SLC46A3: variants seen among roughly 807,000 people sequenced by gnomAD.
The protein encoded by SLC46A3 is lysosomal proton-coupled steroid conjugate and bile acid symporter SLC46A3.
SLC46A3 carries 26 observed loss-of-function variants against 38.5 expected under a neutral mutation model. That is an observed-to-expected ratio of 0.68 (90% CI 0.49 to 0.94). The LOEUF is 0.94. Among genes scored for constraint, SLC46A3 ranks in the 40% least tolerant of loss-of-function variants. The pLI, the probability that SLC46A3 is intolerant of heterozygous loss-of-function variation, is 0.00. For synonymous variants in SLC46A3, 185 were observed against 192.5 expected, an observed-to-expected ratio of 0.96 and a Z score of 0.32; for missense variants, 510 against 544.3, an observed-to-expected ratio of 0.94 and a Z score of 0.63.
chr13:28,714,060 T>G (rs1305107), intron 2 of SLC46A3, among the ~76,000 whole-genome samples: 1 of 151,048 alleles, frequency 6.6e-6, no homozygotes, highest in African/African-American at 2.4e-5. Flanking sequence ...TTTGGGAGGC[T>G]GAGGCAGGAG....
Position 28,701,415 on chromosome 13 carries a change from T to C in SLC46A3, c.*82A>G, listed in dbSNP as rs985428744. The C allele has an allele frequency of 5.1e-6, 8 of 1,559,498 alleles. No homozygotes were observed. Among genetic ancestry groups the C allele is most frequent in the Non-Finnish European group, 6.9e-6 (8 of 1,157,288 alleles). On this transcript the variant is annotated 3_prime_UTR_variant, in exon 6 of 6. Transcript: ENST00000266943. Reference sequence around the variant, plus strand: ...AATTGGTTCTCAGTGAAGCACTGATTGTGGAATTCATTTATAGTCTTCAGA... The same window carrying C: ...AATTGGTTCTCAGTGAAGCACTGATCGTGGAATTCATTTATAGTCTTCAGA...
chr13:28,704,268 C>G (rs1885115347), intron 4 of SLC46A3, 169 bp from the exon 5 acceptor site: 8 of 618,638 alleles, frequency 1.3e-5, no homozygotes, highest in Non-Finnish European at 2.2e-5. Flanking sequence ...AAGTCAGCAG[C>G]CCATTCTGCA....
chr13:28,713,160 G>A lies in SLC46A3; in HGVS notation c.580C>T (p.Leu194=). The change falls in exon 3 of 6, where the codon CTA becomes TTA. Residue 194 remains leucine (L), a synonymous_variant. Transcript: ENST00000266943. ...GLSSGYFIRE[L]GFEWSFLIIA... ...ATTAGAAACGACCACTCAAAACCTA[G>A]CTCTCTAATAAAATAGCCAGATGAC... 1 of 1,613,978 alleles carries A rather than the reference G, an allele frequency of 6.2e-7. No individual in the cohort carries two copies. Among genetic ancestry groups the A allele is most frequent in the Non-Finnish European group, 8.5e-7 (1 of 1,179,972 alleles).
intron 4 of SLC46A3, among the ~76,000 whole-genome samples, chr13:28,709,322 CAAAAA>C (rs11321003): frequency 7.7e-6 from 1 of 130,270 alleles, no homozygotes. Flanking sequence ...AACTCCGTCT[CAAAAA>C]AAAAAAAAAA....
Position 28,700,500 on chromosome 13 carries a change from G to GA in SLC46A3, c.*996_*997insT. ...TTTTCCTATGAGTGACCGTGTTGACGGATTCAAATTTAAGGAGTACAAGAT... is the reference window on the plus strand; with the variant it reads ...TTTTCCTATGAGTGACCGTGTTGACGAGATTCAAATTTAAGGAGTACAAGAT... On this transcript the variant is annotated 3_prime_UTR_variant, in exon 6 of 6. Transcript: ENST00000266943. 6.4e-6 allele frequency: 1 copy of GA among 155,126 alleles called. No individual in the cohort carries two copies. Among genetic ancestry groups the GA allele is most frequent in the South Asian group, 2.0e-4 (1 of 5,006 alleles). The allele number at this position is 155,126 out of a possible 1,614,324, so 9.6% of individuals were successfully genotyped here. A position where few individuals can be genotyped will look rare whatever the true frequency, so the allele number is the denominator to read the frequency against.
At chr13:28,701,791 C>G (rs1255630944) in intron 5 of SLC46A3, among the ~76,000 whole-genome samples, 2 of 152,194 alleles carry the variant, frequency 1.3e-5, no homozygotes, top group South Asian at 2.1e-4. Context: ...CTCTTCTAGA[C>G]CCCTAAGGTA....
chr13:28,716,578 C>T (rs1442518881), intron 2 of SLC46A3, among the ~76,000 whole-genome samples: 2 of 152,124 alleles, frequency 1.3e-5, no homozygotes, highest in Non-Finnish European at 1.5e-5. Flanking sequence ...GGAGATAAGA[C>T]CGCTGGGTGA....
At chr13:28,701,687 T>C (rs2137817331) in intron 5 of SLC46A3, 106 bp from the exon 6 acceptor site, 3 of 1,008,832 alleles carry the variant, frequency 3.0e-6, no homozygotes, top group Non-Finnish European at 4.4e-6. Context: ...TAATAAATTA[T>C]GCAGATTATT....
chr13:28,700,518 TACA>T lies in SLC46A3; in HGVS notation c.*976_*978del. ...TGTTGACGGATTCAAATTTAAGGAGTACAAGATCGTATTTTAAAAATGCCCTTA... is the reference window on the plus strand; with the variant it reads ...TGTTGACGGATTCAAATTTAAGGAGTAGATCGTATTTTAAAAATGCCCTTA... On this transcript the variant is annotated 3_prime_UTR_variant, in exon 6 of 6. Coordinates refer to ENST00000266943, the MANE Select transcript of SLC46A3 (RefSeq NM_181785.4). 1 of 159,672 alleles carries T rather than the reference TACA, an allele frequency of 6.3e-6. No individual in the cohort carries two copies. The highest frequency in any genetic ancestry group is 6.2e-5 in the Admixed American group (1 of 16,210). 9.9% of individuals were successfully genotyped at this position (159,672 alleles called of 1,614,324 possible).
rs372096157 is a variant in SLC46A3 at position 28,713,487 on chromosome 13, G to C, written c.253C>G (p.Leu85Val). 2 of 1,613,546 alleles carry C rather than the reference G, an allele frequency of 1.2e-6. No individual in the cohort carries two copies. The highest frequency in any genetic ancestry group is 1.7e-6 in the Non-Finnish European group (2 of 1,179,486). The change falls in exon 3 of 6, where the codon CTA becomes GTA. Residue 85 changes from leucine to valine, a missense_variant. By Grantham distance (32) the Leu-to-Val change is conservative. Coordinates refer to ENST00000266943, the MANE Select transcript of SLC46A3 (RefSeq NM_181785.4). ...QMDISGLIPG[L>V]VSTFILLSIS... ...GACAAAAGTATGAATGTAGACACTA[G>C]ACCAGGAATTAATCCACTTATGTCC... is the stretch of plus-strand genomic sequence containing the variant.
chr13:28,708,609 C>CT (rs1885246783), intron 4 of SLC46A3, among the ~76,000 whole-genome samples: 1 of 139,964 alleles, frequency 7.1e-6, no homozygotes, highest in Admixed American at 7.1e-5. Context: ...CTTTCTTTTT[C>CT]TTTTCTTTTT....
intron 5 of SLC46A3, 86 bp downstream of exon 5, chr13:28,703,857 A>G: frequency 7.9e-7 from 1 of 1,273,836 alleles, no homozygotes; most frequent in Non-Finnish European, 1.1e-6. Context: ...CAAAATTTCA[A>G]CAGACCTATG....
Position 28,713,535 on chromosome 13 carries a change from C to G in SLC46A3, c.205G>C (p.Val69Leu). 1.2e-6 allele frequency: 2 copies of G among 1,601,676 alleles called. No homozygotes were observed. The highest frequency in any genetic ancestry group is 4.5e-5 in the East Asian group (2 of 44,606). ...FAFQEEVQKKVSRFNLQMDIS... is the reference protein window; with the variant it reads ...FAFQEEVQKKLSRFNLQMDIS... ...TCCATCTGCAGATTAAAACGTGACA[C>G]TTTTTTCTGAACTTCCTGCAAAGAA... Residue 69 changes from valine (V) to leucine (L), a missense_variant, in exon 3 of 6, where the codon GTG (valine) becomes CTG (leucine). By Grantham distance (32) the Val-to-Leu change is conservative (BLOSUM62 1). Coordinates refer to ENST00000266943, the MANE Select transcript of SLC46A3 (RefSeq NM_181785.4).
intron 2 of SLC46A3, among the ~76,000 whole-genome samples, 161 bp from the exon 3 acceptor site, chr13:28,713,711 T>C (rs558741412): frequency 1.4e-4 from 21 of 152,308 alleles, no homozygotes; most frequent in Admixed American, 1.3e-3. Context: ...TTCATCCAGT[T>C]TATAAAGCAA....
chr13:28,701,373 G>C lies in SLC46A3; in HGVS notation c.*124C>G. 6.8e-7 allele frequency: 1 copy of C among 1,472,410 alleles called. No individual in the cohort carries two copies. Among genetic ancestry groups the C allele is most frequent in the Non-Finnish European group, 9.0e-7 (1 of 1,113,728 alleles). 91.2% of individuals were successfully genotyped at this position (1,472,410 alleles called of 1,614,324 possible). ...GCTGTCTCTCTGACTGTTCAGTTTAGAAGAAAAGATAGGTAAAATTGGTTC... is the reference window on the plus strand; with the variant it reads ...GCTGTCTCTCTGACTGTTCAGTTTACAAGAAAAGATAGGTAAAATTGGTTC... On this transcript the variant is annotated 3_prime_UTR_variant, in exon 6 of 6. Coordinates refer to ENST00000266943, the MANE Select transcript of SLC46A3 (RefSeq NM_181785.4).
At chr13:28,708,614 C>CTTTTTTTTTTTTTTTTTTTTT (rs71190788) in intron 4 of SLC46A3, among the ~76,000 whole-genome samples, 62 of 128,234 alleles carry the variant, frequency 4.8e-4, no homozygotes, top group Non-Finnish European at 5.7e-4. Flanking sequence ...TTTTTCTTTT[C>CTTTTTTTTTTTTTTTTTTTTT]TTTTTTTTTT....
Position 28,703,821 on chromosome 13 carries a change from G to A in SLC46A3, c.1301+122C>T, listed in dbSNP as rs1284685440. 4 of 795,142 alleles carry A rather than the reference G, an allele frequency of 5.0e-6. No homozygotes were observed. In the East Asian group the frequency reaches 1.0e-4, roughly 20 times the overall value. The allele number at this position is 795,142 out of a possible 1,614,324, so 49.3% of individuals were successfully genotyped here. On this transcript the variant is annotated intron_variant, in intron 5 of 5. Transcript: ENST00000266943. ...TGAAGCGAGCACTTCATGTCTAAAA[G>A]TTCTTGAGAAAAGCACGTTCTGAGG...
chr13:28,711,438 A>C (rs915460017), intron 3 of SLC46A3, among the ~76,000 whole-genome samples: 42 of 151,140 alleles, frequency 2.8e-4, no homozygotes, highest in African/African-American at 9.7e-4. Context: ...AAAAAAAAAA[A>C]CAAAAAAAAA....
chr13:28,701,399 T>G lies in SLC46A3; in HGVS notation c.*98A>C. 1 of 1,520,158 alleles carries G rather than the reference T, an allele frequency of 6.6e-7. No homozygotes were observed. The highest frequency in any genetic ancestry group is 1.4e-5 in the South Asian group (1 of 73,452). The allele number at this position is 1,520,158 out of a possible 1,614,324, so 94.2% of individuals were successfully genotyped here. On this transcript the variant is annotated 3_prime_UTR_variant, in exon 6 of 6. Coordinates refer to ENST00000266943, the MANE Select transcript of SLC46A3 (RefSeq NM_181785.4). ...AAGAAAAGATAGGTAAAATTGGTTC[T>G]CAGTGAAGCACTGATTGTGGAATTC...
Sources: gnomAD v4.1 joint callset for allele counts (sites outside exome capture counted in the v4.1 genomes callset) on GRCh38, gnomAD v4.1.1 for gene constraint, MANE v1.5 for transcripts, NCBI Gene and HGNC (gene_info 2026-07-23, HGNC 2026-07-21) for gene names.